Variants in ABCA13 observed in about 807,000 individuals in gnomAD.
The protein encoded by ABCA13 is ATP binding cassette subfamily A member 13.
In ABCA13, 476 loss-of-function variants were observed where a neutral mutation model predicts 478.7. The observed-to-expected ratio is 0.99, with a 90% CI of 0.92 to 1.07. ABCA13 has a LOEUF of 1.07. Ranked by LOEUF, ABCA13 falls within the 50% of genes least tolerant of loss-of-function variation. The probability of loss-of-function intolerance (pLI) is 0.00; values close to 1 mark genes in which losing one functional copy is unlikely to be tolerated. For missense variants in ABCA13, 6,060 were observed against 5,910.6 expected (o/e 1.03, Z -0.83); for synonymous variants, 2,252 against 2,158.9 (o/e 1.04, Z -1.20).
At chr7:48,538,261 C>T (rs562526492) in intron 55 of ABCA13, among the ~76,000 whole-genome samples, 24 of 151,616 alleles carry the variant, frequency 1.6e-4, no homozygotes, top group African/African-American at 4.1e-4. Context: ...CCACTGCACC[C>T]GACTACATTT....
At chr7:48,221,402 AT>A in intron 5 of ABCA13, 93 bp downstream of exon 5, 1 of 645,568 alleles carries the variant, frequency 1.5e-6, no homozygotes, top group Non-Finnish European at 2.5e-6. Flanking sequence ...TTCAAAGATT[AT>A]TTCTAATGAC....
chr7:48,469,844 C>T (rs986679349), intron 44 of ABCA13, among the ~76,000 whole-genome samples: 32 of 151,422 alleles, frequency 2.1e-4, no homozygotes, highest in Admixed American at 2.0e-3. Context: ...CACTTGAGCC[C>T]AGGAGGCGGA....
At position 48,580,228 on chromosome 7, in the gene ABCA13, G is replaced by T; in HGVS notation, c.14359G>T (p.Ala4787Ser). ...CTGTGCTGCTTCTCTCTGCAGAGACGCCGTGGACCTGTCTTCTGCTGGCAC... is the reference window on the plus strand; with the variant it reads ...CTGTGCTGCTTCTCTCTGCAGAGACTCCGTGGACCTGTCTTCTGCTGGCAC... ...HAIIRTPMGD[A>S]VDLSSAGTAG... The change falls in exon 56 of 62, where the codon GCC becomes TCC. Residue 4787 changes from alanine to serine, a missense_variant. By Grantham distance (99) the Ala-to-Ser change is moderately conservative (BLOSUM62 1). Coordinates refer to ENST00000435803, the MANE Select transcript of ABCA13 (RefSeq NM_152701.5). 6.2e-7 allele frequency: 1 copy of T among 1,609,004 alleles called. No homozygotes were observed. Among genetic ancestry groups the T allele is most frequent in the Non-Finnish European group, 8.5e-7 (1 of 1,178,024 alleles).
intron 3 of ABCA13, among the ~76,000 whole-genome samples, chr7:48,217,271 G>A (rs978637379): frequency 1.3e-5 from 2 of 152,208 alleles, no homozygotes; most frequent in African/African-American, 2.4e-5. Context: ...CTTCTTAGGA[G>A]AATTACTTCT....
Position 48,249,354 on chromosome 7 carries a change from A to G in ABCA13, c.2005+3A>G, listed in dbSNP as rs764921516. 6.8e-6 allele frequency: 11 copies of G among 1,612,528 alleles called. No homozygotes were observed. The highest frequency in any genetic ancestry group is 9.3e-6 in the Non-Finnish European group (11 of 1,179,112). On this transcript the variant is annotated splice_donor_region_variant and intron_variant, in intron 15 of 61. Transcript: ENST00000435803. ...GAGTTTCCAGAACAGACTATTGGGTAAGTCAGTAGCCTAAACTACAGGAAT... is the reference window on the plus strand; with the variant it reads ...GAGTTTCCAGAACAGACTATTGGGTGAGTCAGTAGCCTAAACTACAGGAAT...
chr7:48,422,298 C>CTAAG (rs1287645838), intron 41 of ABCA13, among the ~76,000 whole-genome samples: 1 of 151,876 alleles, frequency 6.6e-6, no homozygotes, highest in East Asian at 1.9e-4. Context: ...GTCTCATGGT[C>CTAAG]TAAGCATTTA....
intron 1 of ABCA13, among the ~76,000 whole-genome samples, chr7:48,181,587 C>T (rs36130471): frequency 0.24 from 36,495 of 151,454 alleles, 4,673 homozygotes; most frequent in Admixed American, 0.3. Flanking sequence ...ATTCAAGTAG[C>T]CTAATGCCCT....
At chr7:48,556,431 G>T (rs1193105699) in intron 55 of ABCA13, among the ~76,000 whole-genome samples, 1 of 151,798 alleles carries the variant, frequency 6.6e-6, no homozygotes, top group South Asian at 2.1e-4. Context: ...TTATATTGAG[G>T]TCTATCTCTC....
chr7:48,240,671 A>ATTG (rs1790697257), intron 9 of ABCA13, among the ~76,000 whole-genome samples, 196 bp from the exon 10 acceptor site: 1 of 152,240 alleles, frequency 6.6e-6, no homozygotes, highest in African/African-American at 2.4e-5. Context: ...GTGTGCATCC[A>ATTG]TTGTTGCAAC....
intron 27 of ABCA13, among the ~76,000 whole-genome samples, chr7:48,319,269 T>C (rs1183709151): frequency 1.3e-5 from 2 of 152,226 alleles, no homozygotes; most frequent in Non-Finnish European, 2.9e-5. Context: ...TTTTTAGATA[T>C]TGCAGGCAGT....
chr7:48,229,457 A>G (rs1788730486), intron 6 of ABCA13, among the ~76,000 whole-genome samples: 1 of 152,166 alleles, frequency 6.6e-6, no homozygotes, highest in Non-Finnish European at 1.5e-5. Context: ...TGCTTTTCTA[A>G]CATAGCAGCC....
intron 31 of ABCA13, among the ~76,000 whole-genome samples, chr7:48,364,150 T>C (rs1811316236): frequency 6.6e-6 from 1 of 152,160 alleles, no homozygotes; most frequent in African/African-American, 2.4e-5. Context: ...CTCAAAAGCT[T>C]ACTTTTCCAT....
At chr7:48,181,750 CAT>C (rs996885998) in intron 1 of ABCA13, among the ~76,000 whole-genome samples, 2 of 152,050 alleles carry the variant, frequency 1.3e-5, no homozygotes, top group African/African-American at 4.8e-5. Context: ...AGCACTGAAA[CAT>C]CACACTATGT....
intron 23 of ABCA13, among the ~76,000 whole-genome samples, chr7:48,301,586 G>C (rs1800166225): frequency 6.6e-6 from 1 of 151,868 alleles, no homozygotes; most frequent in Non-Finnish European, 1.5e-5. Context: ...ATGGGTTTCT[G>C]GGATCATGAG....
At chr7:48,606,449 A>C (rs151001450) in intron 58 of ABCA13, among the ~76,000 whole-genome samples, 3 of 151,934 alleles carry the variant, frequency 2.0e-5, no homozygotes, top group Non-Finnish European at 4.4e-5. Context: ...TCTGTTTGTT[A>C]GTTTTTCTTC....
chr7:48,281,331 T>A lies in ABCA13; in HGVS notation c.8727-12T>A, dbSNP rs571292059. ...TACCCTTTTATGTCATTGTATATAT[T>A]TTTTTGCTAAGTGTTGTTGAGATTT... On this transcript the variant is annotated splice_polypyrimidine_tract_variant and intron_variant, in intron 18 of 61. Coordinates refer to ENST00000435803, the MANE Select transcript of ABCA13 (RefSeq NM_152701.5). 1.8e-5 allele frequency: 28 copies of A among 1,582,318 alleles called. No individual in the cohort carries two copies. In the East Asian group the frequency reaches 5.5e-4, roughly 31 times the overall value.
At chr7:48,213,593 T>C (rs890234509) in intron 3 of ABCA13, among the ~76,000 whole-genome samples, 1 of 152,162 alleles carries the variant, frequency 6.6e-6, no homozygotes, top group Non-Finnish European at 1.5e-5. Context: ...AAGACAGAAA[T>C]GAAGTTTACT....
At chr7:48,228,933 T>C (rs1036545410) in intron 6 of ABCA13, among the ~76,000 whole-genome samples, 1 of 152,200 alleles carries the variant, frequency 6.6e-6, no homozygotes, top group African/African-American at 2.4e-5. Context: ...TCAGCTTCAG[T>C]ATAAATTGTA....
intron 48 of ABCA13, among the ~76,000 whole-genome samples, chr7:48,498,549 G>C (rs1342115337): frequency 6.6e-6 from 1 of 152,010 alleles, no homozygotes; most frequent in African/African-American, 2.4e-5. Flanking sequence ...GCAGAACTGG[G>C]GCTGCTCCAT....
Sources: gnomAD v4.1 joint callset for allele counts (sites outside exome capture counted in the v4.1 genomes callset) on GRCh38, gnomAD v4.1.1 for gene constraint, MANE v1.5 for transcripts, NCBI Gene and HGNC (gene_info 2026-07-23, HGNC 2026-07-21) for gene names.